Variants in ABTB3 observed in about 807,000 individuals in gnomAD.
ABTB3 encodes ankyrin repeat and BTB domain containing 3, also known as ankyrin repeat- and BTB/POZ domain-containing protein 3.
chr12:107,404,096 GA>G, the ABTB3 span, among the ~76,000 whole-genome samples: 2 of 140,174 alleles, frequency 1.4e-5, no homozygotes, highest in Admixed American at 1.6e-4. Flanking sequence ...CCGGGAGGCA[GA>G]GGTTCTAGTG....
At chr12:107,364,827 A>G in the ABTB3 span, among the ~76,000 whole-genome samples, 2 of 152,158 alleles carry the variant, frequency 1.3e-5, no homozygotes. Flanking sequence ...ATTGTTGCTG[A>G]AGGCTGGCGC....
At chr12:107,450,874 A>T in the ABTB3 span, among the ~76,000 whole-genome samples, 1 of 152,046 alleles carries the variant, frequency 6.6e-6, no homozygotes, top group Admixed American at 6.6e-5. Context: ...AGATGGGGGA[A>T]GTCTCTTCTG....
At chr12:107,404,643 G>A in the ABTB3 span, among the ~76,000 whole-genome samples, 1 of 152,172 alleles carries the variant, frequency 6.6e-6, no homozygotes, top group African/African-American at 2.4e-5. Context: ...CTGGCTTCCA[G>A]GAGTGATGTA....
At chr12:107,345,891 C>T in the ABTB3 span, among the ~76,000 whole-genome samples, 2 of 152,236 alleles carry the variant, frequency 1.3e-5, no homozygotes, top group South Asian at 2.1e-4. Flanking sequence ...CTGCTCTTTT[C>T]GTTCAATAGT....
At chr12:107,344,534 G>A in the ABTB3 span, among the ~76,000 whole-genome samples, 2 of 152,208 alleles carry the variant, frequency 1.3e-5, no homozygotes, top group Non-Finnish European at 2.9e-5. Flanking sequence ...TCAGAGGTCA[G>A]GTTTCTCTAA....
At chr12:107,505,825 C>T in the ABTB3 span, among the ~76,000 whole-genome samples, 1 of 152,134 alleles carries the variant, frequency 6.6e-6, no homozygotes, top group Non-Finnish European at 1.5e-5. Context: ...GGATAATGGC[C>T]TCCAGCTCCA....
the ABTB3 span, among the ~76,000 whole-genome samples, chr12:107,614,783 C>T: frequency 6.6e-6 from 1 of 152,210 alleles, no homozygotes; most frequent in Non-Finnish European, 1.5e-5. Flanking sequence ...AGGGTAAAAT[C>T]TCCAAAACAC....
chr12:107,466,855 A>G, the ABTB3 span, among the ~76,000 whole-genome samples: 1 of 152,138 alleles, frequency 6.6e-6, no homozygotes, highest in African/African-American at 2.4e-5. Context: ...AGGAAGAAGC[A>G]TTTGAGTGGC....
the ABTB3 span, chr12:107,581,294 C>T: frequency 1.4e-6 from 2 of 1,418,684 alleles, no homozygotes; most frequent in Non-Finnish European, 1.8e-6. Flanking sequence ...CTGCGAGCCG[C>T]GCCAGCTCAG....
the ABTB3 span, among the ~76,000 whole-genome samples, chr12:107,421,376 C>T: frequency 2.6e-5 from 4 of 152,212 alleles, no homozygotes; most frequent in African/African-American, 7.2e-5. Context: ...GGACCTTCCA[C>T]AGCTGAGAGG....
chr12:107,436,393 A>C, the ABTB3 span, among the ~76,000 whole-genome samples: 2 of 152,170 alleles, frequency 1.3e-5, no homozygotes, highest in Admixed American at 6.5e-5. Context: ...GGGCTTGGGG[A>C]TATGCATGTG....
the ABTB3 span, among the ~76,000 whole-genome samples, chr12:107,460,702 G>A: frequency 2.6e-5 from 4 of 152,226 alleles, no homozygotes; most frequent in Admixed American, 6.5e-5. Context: ...TCCCTCAGAG[G>A]GGCCACGGTG....
At chr12:107,379,782 C>T in the ABTB3 span, among the ~76,000 whole-genome samples, 1 of 152,220 alleles carries the variant, frequency 6.6e-6, no homozygotes, top group Non-Finnish European at 1.5e-5. Context: ...GAGGAGCTTA[C>T]AGAGCCCTCT....
At chr12:107,497,412 C>T in the ABTB3 span, among the ~76,000 whole-genome samples, 1 of 78,538 alleles carries the variant, frequency 1.3e-5, no homozygotes, top group Non-Finnish European at 2.4e-5. Flanking sequence ...TCATCACCAC[C>T]ATCACCATTA....
the ABTB3 span, among the ~76,000 whole-genome samples, chr12:107,542,454 C>A: frequency 6.6e-5 from 10 of 152,148 alleles, no homozygotes; most frequent in Non-Finnish European, 1.3e-4. Context: ...GATTCTTTTA[C>A]ATTCATTTGA....
the ABTB3 span, among the ~76,000 whole-genome samples, chr12:107,570,247 C>T: frequency 3.9e-5 from 6 of 152,058 alleles, no homozygotes; most frequent in Non-Finnish European, 7.4e-5. Context: ...CAGAGTCTCA[C>T]TCTGTTGCCC....
At chr12:107,369,392 G>GTTTTTTTTTTT in the ABTB3 span, among the ~76,000 whole-genome samples, 2 of 134,904 alleles carry the variant, frequency 1.5e-5, no homozygotes, top group African/African-American at 2.8e-5. Flanking sequence ...TCAAACAAGG[G>GTTTTTTTTTTT]TTTTTTTTTT....
At chr12:107,482,353 G>C in the ABTB3 span, among the ~76,000 whole-genome samples, 2 of 152,280 alleles carry the variant, frequency 1.3e-5, no homozygotes, top group African/African-American at 4.8e-5. Flanking sequence ...GGATAGTCCA[G>C]GGCTAAGACC....
chr12:107,319,946 C>A, the ABTB3 span: 13 of 1,566,746 alleles, frequency 8.3e-6, no homozygotes, highest in Non-Finnish European at 1.1e-5. Context: ...CCACCATCAC[C>A]ACCACCATGC....
Sources: gnomAD v4.1 joint callset for allele counts (sites outside exome capture counted in the v4.1 genomes callset) on GRCh38, gnomAD v4.1.1 for gene constraint, MANE v1.5 for transcripts, NCBI Gene and HGNC (gene_info 2026-07-23, HGNC 2026-07-21) for gene names.